ZFHX3: variants seen among roughly 807,000 people sequenced by gnomAD.
The protein encoded by ZFHX3 is zinc finger homeobox protein 3.
In ZFHX3, 42 loss-of-function variants were observed where a neutral mutation model predicts 279.1. That is an observed-to-expected ratio of 0.15 (90% confidence interval 0.12 to 0.19). ZFHX3 has a LOEUF of 0.19. Ranked by LOEUF, ZFHX3 falls within the 10% of genes least tolerant of loss-of-function variation. The pLI, the probability that ZFHX3 is intolerant of heterozygous loss-of-function variation, is 1.00. For missense variants in ZFHX3, 4,981 were observed against 4,754.0 expected, an observed-to-expected ratio of 1.05 and a Z score of -1.40; for synonymous variants, 2,293 against 1,957.8, an observed-to-expected ratio of 1.17 and a Z score of -4.52.
At chr16:73,478,337 C>T (rs1021237652) in intron 2 of ZFHX3, among the ~76,000 whole-genome samples, 3 of 150,714 alleles carry the variant, frequency 2.0e-5, no homozygotes, top group Non-Finnish European at 4.4e-5. Flanking sequence ...GGGACTTGAA[C>T]CCTGGACCCT....
intron 4 of ZFHX3, among the ~76,000 whole-genome samples, chr16:72,839,044 A>G (rs187834044): frequency 6.2e-4 from 95 of 152,342 alleles, no homozygotes; most frequent in African/African-American, 2.1e-3. Flanking sequence ...AGCAGGGATT[A>G]GTTCCCTTGG....
chr16:73,199,378 G>C (rs1302140657), intron 5 of ZFHX3, among the ~76,000 whole-genome samples: 2 of 152,232 alleles, frequency 1.3e-5, no homozygotes, highest in East Asian at 3.8e-4. Flanking sequence ...GTAGCACCAA[G>C]TCCATGGCCC....
At chr16:73,298,912 A>G (rs910691483) in intron 4 of ZFHX3, among the ~76,000 whole-genome samples, 23 of 152,248 alleles carry the variant, frequency 1.5e-4, no homozygotes, top group African/African-American at 5.1e-4. Flanking sequence ...TTCAGTTTGT[A>G]AATGTATGAA....
intron 5 of ZFHX3, chr16:73,234,002 C>T (rs542748373): frequency 2.0e-5 from 3 of 152,222 alleles, no homozygotes; most frequent in South Asian, 2.1e-4. Flanking sequence ...CACCCTCCAT[C>T]GCATGTGTTT....
At chr16:73,040,766 G>C (rs1313850541) in intron 1 of ZFHX3, among the ~76,000 whole-genome samples, 1 of 152,196 alleles carries the variant, frequency 6.6e-6, no homozygotes, top group African/African-American at 2.4e-5. Flanking sequence ...AAAGGGCGTG[G>C]AGATGGCAGC....
chr16:72,849,860 C>CAAAA lies in ZFHX3; in HGVS notation c.3449-20005_3449-20002dup, dbSNP rs542156633. ...TCTCTGCCACTTGGAGTTCACCTAC[C>CAAAA]AAAAAAAAAAAAAAAAAAAAAAAAA... On this transcript the variant is annotated intron_variant, in intron 4 of 9. Transcript: ENST00000268489. Among the ~76,000 whole-genome samples the CAAAA allele has an allele frequency of 7.1e-5, 4 of 56,564 alleles. 1 individual carries two copies. The highest frequency in any genetic ancestry group is 2.6e-4 in the Admixed American group (1 of 3,778). The allele number at this position is 56,564 out of a possible 152,430, so 37.1% of individuals were successfully genotyped here. A position where few individuals can be genotyped will look rare whatever the true frequency, so the allele number is the denominator to read the frequency against.
chr16:73,484,101 A>G (rs1367756471), intron 2 of ZFHX3, among the ~76,000 whole-genome samples: 1 of 152,042 alleles, frequency 6.6e-6, no homozygotes, highest in Non-Finnish European at 1.5e-5. Flanking sequence ...GCCCGAGCCC[A>G]GGGGCTGCAG....
intron 1 of ZFHX3, among the ~76,000 whole-genome samples, chr16:73,754,743 C>T (rs1204851321): frequency 2.0e-5 from 3 of 151,640 alleles, no homozygotes; most frequent in South Asian, 2.1e-4. Flanking sequence ...AGGGAAGACA[C>T]GAACTTTACA....
At chr16:73,178,122 C>A (rs1967706643) in intron 5 of ZFHX3, among the ~76,000 whole-genome samples, 4 of 152,150 alleles carry the variant, frequency 2.6e-5, no homozygotes, top group Admixed American at 2.0e-4. Flanking sequence ...CTCCCACACA[C>A]CATCCTTCAA....
At chr16:73,592,192 C>T (rs1412252613) in intron 2 of ZFHX3, among the ~76,000 whole-genome samples, 1 of 152,142 alleles carries the variant, frequency 6.6e-6, no homozygotes, top group East Asian at 1.9e-4. Flanking sequence ...GAGATCACAC[C>T]ACTGTACTCC....
chr16:73,487,866 C>T (rs2019001303), intron 2 of ZFHX3: 1 of 153,290 alleles, frequency 6.5e-6, no homozygotes, highest in Admixed American at 6.5e-5. Flanking sequence ...CCTTCTAGCA[C>T]CATATGCAAA....
chr16:73,801,991 C>G (rs954096411), intron 1 of ZFHX3, among the ~76,000 whole-genome samples: 1 of 152,136 alleles, frequency 6.6e-6, no homozygotes, highest in Non-Finnish European at 1.5e-5. Flanking sequence ...GTTAGAGGAA[C>G]AGCCCACCTG....
chr16:73,240,622 G>T (rs1257100867), intron 5 of ZFHX3, among the ~76,000 whole-genome samples: 6 of 152,152 alleles, frequency 3.9e-5, no homozygotes, highest in Non-Finnish European at 7.3e-5. Flanking sequence ...AGATAAAACA[G>T]GAAGCAGACC....
intron 1 of ZFHX3, among the ~76,000 whole-genome samples, chr16:73,744,021 C>A (rs914891399): frequency 1.3e-5 from 2 of 152,084 alleles, no homozygotes; most frequent in Non-Finnish European, 2.9e-5. Context: ...CTTTTAATTC[C>A]GCAAACCGAC....
chr16:73,556,864 G>C (rs112641380), intron 2 of ZFHX3, among the ~76,000 whole-genome samples: 1,918 of 151,974 alleles, frequency 0.013, 20 homozygotes, highest in Non-Finnish European at 0.02. Context: ...GGGAGGCCGA[G>C]ACAGGCAGAT....
chr16:72,880,470 A>G (rs1401414406), intron 4 of ZFHX3, among the ~76,000 whole-genome samples: 2 of 152,174 alleles, frequency 1.3e-5, no homozygotes, highest in African/African-American at 4.8e-5. Context: ...CACAGAGACC[A>G]GGCTATATGA....
At chr16:73,301,535 A>G (rs920665123) in intron 4 of ZFHX3, among the ~76,000 whole-genome samples, 1 of 152,150 alleles carries the variant, frequency 6.6e-6, no homozygotes, top group African/African-American at 2.4e-5. Context: ...AAACATCTCC[A>G]GATACTGCCA....
intron 1 of ZFHX3, among the ~76,000 whole-genome samples, chr16:73,868,330 T>C (rs561189129): frequency 1.5e-4 from 23 of 152,272 alleles, no homozygotes; most frequent in African/African-American, 5.5e-4. Flanking sequence ...AAGACCAGCC[T>C]GGCCAACATG....
At chr16:73,057,021 A>G (rs933638805) in intron 1 of ZFHX3, among the ~76,000 whole-genome samples, 2 of 152,230 alleles carry the variant, frequency 1.3e-5, no homozygotes, top group East Asian at 1.9e-4. Flanking sequence ...CATATTCTTC[A>G]AAGGTACTTA....
Sources: gnomAD v4.1 joint callset for allele counts (sites outside exome capture counted in the v4.1 genomes callset) on GRCh38, gnomAD v4.1.1 for gene constraint, MANE v1.5 for transcripts, NCBI Gene and HGNC (gene_info 2026-07-23, HGNC 2026-07-21) for gene names.